The following LRRC4C variants were observed in gnomAD, a reference collection of about 807,000 sequenced individuals.
LRRC4C encodes leucine-rich repeat-containing protein 4C.
Under a neutral mutation model 33.6 loss-of-function variants are expected in LRRC4C, and 5 were observed. The ratio of observed to expected loss-of-function variants is 0.15; its 90% CI spans 0.08 to 0.31. LRRC4C has a LOEUF of 0.31. Among genes scored for constraint, LRRC4C ranks in the 10% least tolerant of loss-of-function variants. The pLI is 1.00. For synonymous variants in LRRC4C, 329 were observed against 302.0 expected (o/e 1.09, Z -0.93); for missense variants, 560 against 796.7 (o/e 0.70, Z 3.58).
chr11:41,305,923 TAATAA>T (rs1282998942), intron 1 of LRRC4C, among the ~76,000 whole-genome samples: 254 of 59,822 alleles, frequency 4.2e-3, no homozygotes, highest in African/African-American at 0.012. Flanking sequence ...TAAAAAAAAA[TAATAA>T]AATAAAATAA....
intron 2 of LRRC4C, among the ~76,000 whole-genome samples, chr11:40,814,185 G>T (rs1010329101): frequency 2.0e-5 from 3 of 152,198 alleles, no homozygotes; most frequent in African/African-American, 7.2e-5. Context: ...GCAGCAAGTT[G>T]CTGCCTGAAC....
At chr11:40,427,302 G>A (rs928977913) in intron 3 of LRRC4C, among the ~76,000 whole-genome samples, 39 of 151,918 alleles carry the variant, frequency 2.6e-4, no homozygotes, top group African/African-American at 9.4e-4. Context: ...TCAGGGGTTT[G>A]AGACTAGCCT....
intron 2 of LRRC4C, among the ~76,000 whole-genome samples, chr11:40,750,803 A>G (rs1017867905): frequency 2.6e-5 from 3 of 113,446 alleles, no homozygotes; most frequent in South Asian, 2.5e-4. Context: ...AAAGTATAAT[A>G]AAAAGAAAAA....
At chr11:41,270,007 G>A (rs192121399) in intron 1 of LRRC4C, among the ~76,000 whole-genome samples, 53 of 152,154 alleles carry the variant, frequency 3.5e-4, no homozygotes, top group East Asian at 2.1e-3. Context: ...AATATTTAGC[G>A]GGGGATTGGT....
At chr11:40,470,953 A>G (rs768837931) in intron 3 of LRRC4C, among the ~76,000 whole-genome samples, 7 of 152,186 alleles carry the variant, frequency 4.6e-5, no homozygotes, top group Non-Finnish European at 8.8e-5. Context: ...CAAGTTGGAA[A>G]ACACTCTTCA....
rs183636432 is a variant in LRRC4C at position 41,273,801 on chromosome 11, A to G, written c.-496+185630T>C. ...ATTTTTGGATGTGATGGATATGTTC[A>G]GTACCTTAATTATGGTGATGGCATC... On this transcript the variant is annotated intron_variant, in intron 1 of 6. Transcript: ENST00000528697. Among the ~76,000 whole-genome samples, 560 of 152,342 alleles carry G rather than the reference A, an allele frequency of 3.7e-3. 2 individuals carry two copies. The highest frequency in any genetic ancestry group is 0.012 in the African/African-American group (511 of 41,586).
chr11:40,997,158 T>G (rs1395524934), intron 1 of LRRC4C, among the ~76,000 whole-genome samples: 1 of 151,942 alleles, frequency 6.6e-6, no homozygotes, highest in Non-Finnish European at 1.5e-5. Flanking sequence ...TAGGGATAGT[T>G]GAAAAACTGG....
At chr11:40,839,714 T>A (rs145590945) in intron 2 of LRRC4C, among the ~76,000 whole-genome samples, 2 of 152,276 alleles carry the variant, frequency 1.3e-5, no homozygotes, top group Non-Finnish European at 2.9e-5. Context: ...ATCCTTGTGG[T>A]TAACTGATCT....
At chr11:41,280,744 G>T (rs1743010059) in intron 1 of LRRC4C, among the ~76,000 whole-genome samples, 1 of 152,066 alleles carries the variant, frequency 6.6e-6, no homozygotes, top group Non-Finnish European at 1.5e-5. Context: ...AATAAATCTT[G>T]ACACTTGTCT....
intron 3 of LRRC4C, among the ~76,000 whole-genome samples, chr11:40,425,463 C>A (rs901259827): frequency 2.6e-5 from 4 of 152,158 alleles, no homozygotes; most frequent in Non-Finnish European, 5.9e-5. Context: ...CAACACAATG[C>A]AGTATAAGTC....
intron 2 of LRRC4C, among the ~76,000 whole-genome samples, chr11:40,906,292 C>T (rs1193334992): frequency 6.6e-6 from 1 of 152,202 alleles, no homozygotes; most frequent in Admixed American, 6.5e-5. Flanking sequence ...GGGTGAATCA[C>T]CTGAGGTCAG....
intron 4 of LRRC4C, among the ~76,000 whole-genome samples, chr11:40,258,631 C>A (rs1029702791): frequency 3.9e-5 from 6 of 152,094 alleles, no homozygotes; most frequent in Non-Finnish European, 7.4e-5. Flanking sequence ...ATCCCAGCAC[C>A]TTTTCCATTC....
intron 5 of LRRC4C, among the ~76,000 whole-genome samples, chr11:40,171,538 A>AT (rs1436203035): frequency 1.3e-5 from 2 of 152,228 alleles, no homozygotes. Flanking sequence ...AAAAATTTTC[A>AT]TGTGTTATTG....
At chr11:40,535,907 G>C (rs1286252062) in intron 3 of LRRC4C, among the ~76,000 whole-genome samples, 1 of 152,118 alleles carries the variant, frequency 6.6e-6, no homozygotes, top group Non-Finnish European at 1.5e-5. Context: ...TTTCCAAAAG[G>C]CTTATTTTGC....
At chr11:40,808,444 C>T (rs561903137) in intron 2 of LRRC4C, among the ~76,000 whole-genome samples, 1 of 152,270 alleles carries the variant, frequency 6.6e-6, no homozygotes, top group African/African-American at 2.4e-5. Context: ...ATTCTGAACT[C>T]TCACTATATC....
At chr11:40,259,168 A>G (rs879839407) in intron 4 of LRRC4C, among the ~76,000 whole-genome samples, 21 of 152,182 alleles carry the variant, frequency 1.4e-4, no homozygotes, top group Non-Finnish European at 2.1e-4. Flanking sequence ...ACTCTTAAAA[A>G]TACCCATCCC....
chr11:40,908,811 A>G (rs1956539765), intron 2 of LRRC4C, among the ~76,000 whole-genome samples: 1 of 152,144 alleles, frequency 6.6e-6, no homozygotes, highest in Admixed American at 6.5e-5. Context: ...TTAAAATGAG[A>G]TTTACAGGTG....
intron 5 of LRRC4C, among the ~76,000 whole-genome samples, chr11:40,212,487 T>C (rs1207476617): frequency 6.8e-6 from 1 of 146,838 alleles, no homozygotes; most frequent in African/African-American, 2.5e-5. Context: ...AAAAAAAAAC[T>C]ATAGGAATAT....
chr11:41,080,405 G>A (rs1463300770), intron 1 of LRRC4C, among the ~76,000 whole-genome samples: 1 of 136,128 alleles, frequency 7.3e-6, no homozygotes, highest in East Asian at 2.3e-4. Context: ...AGGGTGGAGT[G>A]CAATGGCACG....
Sources: gnomAD v4.1 joint callset for allele counts (sites outside exome capture counted in the v4.1 genomes callset) on GRCh38, gnomAD v4.1.1 for gene constraint, MANE v1.5 for transcripts, NCBI Gene and HGNC (gene_info 2026-07-23, HGNC 2026-07-21) for gene names.